The following ZNF609 variants were observed in gnomAD, a reference collection of about 807,000 sequenced individuals.
The protein encoded by ZNF609 is zinc finger protein 609.
A neutral mutation model predicts 109.5 loss-of-function variants in ZNF609; 11 were observed. The ratio of observed to expected loss-of-function variants is 0.10; its 90% CI spans 0.06 to 0.17. The LOEUF (loss-of-function observed/expected upper bound fraction) is 0.17, where lower values mean the gene tolerates loss of function less well. Ranked by LOEUF, ZNF609 falls within the 10% of genes least tolerant of loss-of-function variation. The probability of loss-of-function intolerance (pLI) is 1.00; values close to 1 mark genes in which losing one functional copy is unlikely to be tolerated. For synonymous variants in ZNF609, 646 were observed against 662.0 expected (o/e 0.98, Z 0.37); for missense variants, 1,559 against 1,772.4 (o/e 0.88, Z 2.16).
intron 3 of ZNF609, among the ~76,000 whole-genome samples, chr15:64,655,195 C>T (rs1053742608): frequency 1.3e-5 from 2 of 151,518 alleles, no homozygotes; most frequent in Non-Finnish European, 2.9e-5. Flanking sequence ...ACAGAATAGT[C>T]CAGGCATGGT....
At chr15:64,629,563 G>A (rs1452040426) in intron 3 of ZNF609, among the ~76,000 whole-genome samples, 2 of 152,116 alleles carry the variant, frequency 1.3e-5, no homozygotes, top group African/African-American at 4.8e-5. Context: ...TGAAAGAAAA[G>A]GAAGGTAGAA....
intron 3 of ZNF609, among the ~76,000 whole-genome samples, chr15:64,657,591 C>T (rs55723718): frequency 0.022 from 3,416 of 152,002 alleles, 50 homozygotes; most frequent in Admixed American, 0.026. Context: ...CCCAGCCTGG[C>T]GACAGAGGGA....
intron 3 of ZNF609, among the ~76,000 whole-genome samples, chr15:64,628,409 C>T (rs1896007803): frequency 1.3e-5 from 2 of 152,030 alleles, no homozygotes; most frequent in African/African-American, 4.8e-5. Context: ...GTAATCCCAA[C>T]ACTTTGGGAA....
At chr15:64,657,712 C>G (rs749032757) in intron 3 of ZNF609, among the ~76,000 whole-genome samples, 4 of 152,124 alleles carry the variant, frequency 2.6e-5, no homozygotes, top group Non-Finnish European at 1.5e-5. Context: ...AATTCAAAGA[C>G]TATTGGGATA....
chr15:64,653,844 C>G (rs1896451238), intron 3 of ZNF609, among the ~76,000 whole-genome samples: 1 of 152,116 alleles, frequency 6.6e-6, no homozygotes, highest in Admixed American at 6.5e-5. Flanking sequence ...ATATCACACT[C>G]TCCTAGACTG....
intron 2 of ZNF609, among the ~76,000 whole-genome samples, chr15:64,505,392 T>A (rs1376061708): frequency 6.6e-6 from 1 of 152,218 alleles, no homozygotes; most frequent in East Asian, 1.9e-4. Context: ...GACCTTCAAA[T>A]GTATTGTGGA....
chr15:64,585,618 T>G (rs961311205), intron 2 of ZNF609, among the ~76,000 whole-genome samples: 3 of 152,190 alleles, frequency 2.0e-5, no homozygotes, highest in Non-Finnish European at 4.4e-5. Context: ...TCTCTTAATC[T>G]CTAGACTAGT....
At chr15:64,465,276 G>A (rs1283751855) in intron 1 of ZNF609, among the ~76,000 whole-genome samples, 1 of 152,166 alleles carries the variant, frequency 6.6e-6, no homozygotes, top group Non-Finnish European at 1.5e-5. Flanking sequence ...TACCTGACAT[G>A]CCTTACTCAA....
At chr15:64,664,979 G>A (rs1012177443) in intron 3 of ZNF609, among the ~76,000 whole-genome samples, 1 of 152,172 alleles carries the variant, frequency 6.6e-6, no homozygotes, top group Non-Finnish European at 1.5e-5. Context: ...CTATCTCTAA[G>A]TCTTACCTTC....
chr15:64,658,904 C>A (rs1896530646), intron 3 of ZNF609, among the ~76,000 whole-genome samples: 1 of 151,942 alleles, frequency 6.6e-6, no homozygotes, highest in Non-Finnish European at 1.5e-5. Context: ...GTGTATTATT[C>A]ATAATAATGA....
At chr15:64,485,269 T>A (rs564642452) in intron 1 of ZNF609, among the ~76,000 whole-genome samples, 1 of 152,250 alleles carries the variant, frequency 6.6e-6, no homozygotes, top group East Asian at 1.9e-4. Context: ...GAATATAATG[T>A]CAAGTGATGA....
chr15:64,546,026 G>A (rs557164688), intron 2 of ZNF609, among the ~76,000 whole-genome samples: 25 of 152,142 alleles, frequency 1.6e-4, no homozygotes, highest in Non-Finnish European at 3.2e-4. Flanking sequence ...ACATACACAT[G>A]AAATTACTGG....
chr15:64,514,173 G>A, intron 2 of ZNF609, among the ~76,000 whole-genome samples: 1 of 151,510 alleles, frequency 6.6e-6, no homozygotes, highest in African/African-American at 2.4e-5. Flanking sequence ...ACAGCTGTGA[G>A]GCCCAAACCA....
Position 64,535,069 on chromosome 15 carries a change from T to A in ZNF609, c.747+34903T>A, listed in dbSNP as rs564105531. On this transcript the variant is annotated intron_variant, in intron 2 of 9. Coordinates refer to ENST00000326648, the MANE Select transcript of ZNF609 (RefSeq NM_015042.2). Reference sequence around the variant, plus strand: ...AAAAAAAAACTGTTATTTATATAAATATGTAAAGTGAAACAGGGTCTCTGT... The same window carrying A: ...AAAAAAAAACTGTTATTTATATAAAAATGTAAAGTGAAACAGGGTCTCTGT... Among the ~76,000 whole-genome samples the A allele has an allele frequency of 6.0e-4, 91 of 151,942 alleles. 1 individual carries two copies. Among genetic ancestry groups the A allele is most frequent in the African/African-American group, 2.0e-3 (83 of 41,454 alleles).
At chr15:64,598,782 A>ATATC (rs1456034085) in intron 2 of ZNF609, among the ~76,000 whole-genome samples, 1 of 126,346 alleles carries the variant, frequency 7.9e-6, no homozygotes, top group Non-Finnish European at 1.6e-5. Flanking sequence ...ATATATATAT[A>ATATC]TATATCCTGT....
intron 1 of ZNF609, among the ~76,000 whole-genome samples, chr15:64,489,811 A>C (rs1215212697): frequency 6.6e-6 from 1 of 151,936 alleles, no homozygotes; most frequent in African/African-American, 2.4e-5. Context: ...TACAGGCATG[A>C]GTCACCATGC....
Position 64,533,964 on chromosome 15 carries a change from T to C in ZNF609, c.747+33798T>C, listed in dbSNP as rs1021172184. Among the ~76,000 whole-genome samples the C allele has an allele frequency of 5.3e-5, 8 of 152,150 alleles. No individual in the cohort carries two copies. In the East Asian group the frequency reaches 1.5e-3, roughly 29 times the overall value. Reference sequence around the variant, plus strand: ...GTGTAGGTTTCTCTTTCCACACCACTGTCAAGATTTTGAACAGTTCCATCA... The same window carrying C: ...GTGTAGGTTTCTCTTTCCACACCACCGTCAAGATTTTGAACAGTTCCATCA... On this transcript the variant is annotated intron_variant, in intron 2 of 9. Transcript: ENST00000326648.
chr15:64,595,010 A>G (rs1486966640), intron 2 of ZNF609, among the ~76,000 whole-genome samples: 3 of 149,624 alleles, frequency 2.0e-5, no homozygotes, highest in Non-Finnish European at 4.4e-5. Flanking sequence ...TCAAAAAAAA[A>G]AAAAAAGAAA....
chr15:64,571,881 A>G (rs939978479), intron 2 of ZNF609, among the ~76,000 whole-genome samples: 30 of 152,164 alleles, frequency 2.0e-4, no homozygotes, highest in African/African-American at 6.8e-4. Flanking sequence ...CATGTTGGTC[A>G]GGCTGGTCTC....
Sources: gnomAD v4.1 joint callset for allele counts (sites outside exome capture counted in the v4.1 genomes callset) on GRCh38, gnomAD v4.1.1 for gene constraint, MANE v1.5 for transcripts, NCBI Gene and HGNC (gene_info 2026-07-23, HGNC 2026-07-21) for gene names.